COG5: variants seen among roughly 807,000 people sequenced by gnomAD.
COG5 encodes component of oligomeric golgi complex 5.
In COG5, 86 loss-of-function variants were observed where a neutral mutation model predicts 110.4. The observed-to-expected ratio is 0.78, with a 90% CI of 0.65 to 0.93. The LOEUF (loss-of-function observed/expected upper bound fraction) is 0.93. Among genes scored for constraint, COG5 ranks in the 40% least tolerant of loss-of-function variants. The pLI is 0.00. For missense variants in COG5, 1,077 were observed against 987.0 expected, an observed-to-expected ratio of 1.09 and a Z score of -1.22; for synonymous variants, 360 against 334.6, an observed-to-expected ratio of 1.08 and a Z score of -0.83.
intron 5 of COG5, among the ~76,000 whole-genome samples, chr7:107,537,869 T>C (rs1801707051): frequency 1.3e-5 from 2 of 151,750 alleles, no homozygotes; most frequent in Admixed American, 1.3e-4. Context: ...AAAATGCAAA[T>C]CAAAATGACA....
At chr7:107,521,724 G>A (rs1423220728) in intron 6 of COG5, among the ~76,000 whole-genome samples, 1 of 152,210 alleles carries the variant, frequency 6.6e-6, no homozygotes, top group East Asian at 1.9e-4. Context: ...AGAAAGTGTG[G>A]CGATTCCTCA....
At chr7:107,317,952 A>G (rs1177459281) in intron 11 of COG5, among the ~76,000 whole-genome samples, 1 of 152,236 alleles carries the variant, frequency 6.6e-6, no homozygotes, top group Non-Finnish European at 1.5e-5. Flanking sequence ...AAAACAATAA[A>G]TAATAAACAA....
intron 10 of COG5, among the ~76,000 whole-genome samples, chr7:107,331,253 G>A (rs1198280450): frequency 6.6e-6 from 1 of 152,080 alleles, no homozygotes; most frequent in Non-Finnish European, 1.5e-5. Context: ...AGATCACGAG[G>A]TCAGGAGATC....
At chr7:107,553,422 G>A (rs1198692624) in intron 3 of COG5, among the ~76,000 whole-genome samples, 1 of 152,100 alleles carries the variant, frequency 6.6e-6, no homozygotes. Flanking sequence ...TACATGCTGA[G>A]AATAAGTTAG....
chr7:107,259,774 T>G (rs906750114), intron 14 of COG5, among the ~76,000 whole-genome samples: 1 of 152,162 alleles, frequency 6.6e-6, no homozygotes, highest in African/African-American at 2.4e-5. Flanking sequence ...CAATTTGTTT[T>G]GTGTGTTCAG....
chr7:107,246,151 T>G (rs1392287093), intron 17 of COG5, among the ~76,000 whole-genome samples: 1 of 152,210 alleles, frequency 6.6e-6, no homozygotes, highest in Non-Finnish European at 1.5e-5. Context: ...CTGGGCTAAC[T>G]GGCTAGTCAT....
intron 21 of COG5, chr7:107,208,330 A>T (rs1168471981): frequency 1.0e-6 from 1 of 985,290 alleles, no homozygotes; most frequent in East Asian, 1.1e-4. Flanking sequence ...AGCACTGCTG[A>T]TGAAATCACT....
chr7:107,384,765 A>C (rs770751444), intron 7 of COG5, among the ~76,000 whole-genome samples: 11 of 152,168 alleles, frequency 7.2e-5, no homozygotes, highest in Non-Finnish European at 1.5e-4. Flanking sequence ...GGCTGTCTGT[A>C]AGCAAGAAGC....
Position 107,201,641 on chromosome 7 carries a change from A to C in COG5, c.*1875T>G. The C allele has an allele frequency of 2.4e-6, 1 of 422,842 alleles. No homozygotes were observed. Among genetic ancestry groups the C allele is most frequent in the Non-Finnish European group, 4.3e-6 (1 of 235,020 alleles). 26.2% of individuals were successfully genotyped at this position (422,842 alleles called of 1,614,324 possible). ...GCTAAAACTATCAACATTTTAAACCAAATTGCCTTATTTTTCTTCCAAACT... is the reference window on the plus strand; with the variant it reads ...GCTAAAACTATCAACATTTTAAACCCAATTGCCTTATTTTTCTTCCAAACT... On this transcript the variant is annotated 3_prime_UTR_variant, in exon 22 of 22. Coordinates refer to ENST00000297135, the MANE Select transcript of COG5 (RefSeq NM_006348.5).
At chr7:107,397,149 T>C (rs1255500431) in intron 7 of COG5, among the ~76,000 whole-genome samples, 1 of 152,234 alleles carries the variant, frequency 6.6e-6, no homozygotes, top group East Asian at 1.9e-4. Flanking sequence ...AGGCTGGGCA[T>C]GTGACTCAAA....
intron 6 of COG5, among the ~76,000 whole-genome samples, chr7:107,460,231 T>C (rs1795905110): frequency 1.3e-5 from 2 of 151,988 alleles, no homozygotes; most frequent in Middle Eastern, 3.2e-3. Context: ...GGTGAGACCC[T>C]GTCTCTACAA....
Position 107,328,380 on chromosome 7 carries a change from T to C in COG5, c.1027-3859A>G, listed in dbSNP as rs977343669. Among the ~76,000 whole-genome samples, 5 of 152,352 alleles carry C rather than the reference T, an allele frequency of 3.3e-5. 1 individual carries two copies. The highest frequency in any genetic ancestry group is 4.1e-4 in the South Asian group (2 of 4,824). ...CCACAGTTGTATGTGCAGCCTGTCA[T>C]TGACTGAAATGTCATTATGTGGTGT... On this transcript the variant is annotated intron_variant, in intron 10 of 21. Coordinates refer to ENST00000297135, the MANE Select transcript of COG5 (RefSeq NM_006348.5).
chr7:107,279,283 A>G (rs543359623), intron 14 of COG5, among the ~76,000 whole-genome samples: 1 of 152,324 alleles, frequency 6.6e-6, no homozygotes, highest in African/African-American at 2.4e-5. Flanking sequence ...AAAAGTCAGG[A>G]AACAACAGAT....
intron 19 of COG5, among the ~76,000 whole-genome samples, chr7:107,221,980 C>G (rs539294229): frequency 3.3e-5 from 5 of 151,922 alleles, no homozygotes; most frequent in South Asian, 4.2e-4. Flanking sequence ...ATATTCTTGA[C>G]GCAAACTGTA....
intron 6 of COG5, among the ~76,000 whole-genome samples, chr7:107,497,489 T>C (rs1253500320): frequency 6.6e-6 from 1 of 152,188 alleles, no homozygotes; most frequent in Admixed American, 6.6e-5. Flanking sequence ...GTGTCATTCC[T>C]ATGTACCAAC....
Position 107,462,752 on chromosome 7 carries a change from T to G in COG5, c.539-50120A>C, listed in dbSNP as rs184549093. ...GATTGCCCAGACTATTATAGTGGAT[T>G]TATTACCATATCTGATACAATAACG... On this transcript the variant is annotated intron_variant, in intron 6 of 21. Coordinates refer to ENST00000297135, the MANE Select transcript of COG5 (RefSeq NM_006348.5). Among the ~76,000 whole-genome samples the G allele has an allele frequency of 2.4e-3, 367 of 152,312 alleles. 1 individual carries two copies. Among genetic ancestry groups the G allele is most frequent in the Admixed American group, 6.8e-3 (104 of 15,290 alleles).
At chr7:107,374,464 CACACA>C (rs1401271539) in intron 7 of COG5, among the ~76,000 whole-genome samples, 1 of 152,062 alleles carries the variant, frequency 6.6e-6, no homozygotes, top group Non-Finnish European at 1.5e-5. Context: ...AGCTTCTCCA[CACACA>C]GTACAGTTTC....
rs779046049 is a variant in COG5 at position 107,203,501 on chromosome 7, A to G, written c.*15T>C. 1 of 1,576,176 alleles carries G rather than the reference A, an allele frequency of 6.3e-7. No homozygotes were observed. The highest frequency in any genetic ancestry group is 1.7e-5 in the Admixed American group (1 of 59,978). On this transcript the variant is annotated 3_prime_UTR_variant, in exon 22 of 22. Transcript: ENST00000297135. Reference sequence around the variant, plus strand: ...GGGTTAGCACAAAGTGGAGATGAACAAAGATTTCATGTCATTACTGAAGAG... The same window carrying G: ...GGGTTAGCACAAAGTGGAGATGAACGAAGATTTCATGTCATTACTGAAGAG...
chr7:107,369,227 A>T (rs1367567962), intron 8 of COG5, among the ~76,000 whole-genome samples: 1 of 152,132 alleles, frequency 6.6e-6, no homozygotes, highest in Non-Finnish European at 1.5e-5. Flanking sequence ...ATCAGGCTGT[A>T]TGTATGTATC....
Sources: gnomAD v4.1 joint callset for allele counts (sites outside exome capture counted in the v4.1 genomes callset) on GRCh38, gnomAD v4.1.1 for gene constraint, MANE v1.5 for transcripts, NCBI Gene and HGNC (gene_info 2026-07-23, HGNC 2026-07-21) for gene names.